Variants in NR1I2 observed in about 807,000 individuals in gnomAD.
NR1I2 encodes the protein nuclear receptor subfamily 1 group I member 2.
In NR1I2, 42 loss-of-function variants were observed where a neutral mutation model predicts 43.3. The ratio of observed to expected loss-of-function variants is 0.97; its 90% CI spans 0.76 to 1.26. The LOEUF is 1.26. Ranked by LOEUF, NR1I2 falls within the 50% of genes most tolerant of loss-of-function variation. The pLI, the probability that NR1I2 is intolerant of heterozygous loss-of-function variation, is 0.00. For synonymous variants in NR1I2, 229 were observed against 215.0 expected, an observed-to-expected ratio of 1.06 and a Z score of -0.57; for missense variants, 559 against 566.7, an observed-to-expected ratio of 0.99 and a Z score of 0.14.
intron 1 of NR1I2, among the ~76,000 whole-genome samples, chr3:119,804,826 T>C (rs1049934198): frequency 6.6e-6 from 1 of 152,174 alleles, no homozygotes; most frequent in South Asian, 2.1e-4. Flanking sequence ...AATTGCCTTC[T>C]TTTGAACTTT....
In NR1I2 at chr3:119,817,471, A is replaced by G; in HGVS notation, c.*259A>G. ...GTGCACTGACCTGTAGGTCAGGACC[A>G]TCAGAGAGGCAAGGTTGCCCTTTCC... On this transcript the variant is annotated 3_prime_UTR_variant, in exon 9 of 9. Transcript: ENST00000393716. 3 of 1,346,804 alleles carry G rather than the reference A, an allele frequency of 2.2e-6. No individual in the cohort carries two copies. Among genetic ancestry groups the G allele is most frequent in the East Asian group, 3.2e-5 (1 of 31,600 alleles). The allele number at this position is 1,346,804 out of a possible 1,614,324, so 83.4% of individuals were successfully genotyped here. A position where few individuals can be genotyped will look rare whatever the true frequency, so the allele number is the denominator to read the frequency against.
intron 2 of NR1I2, among the ~76,000 whole-genome samples, chr3:119,808,805 G>T (rs1326654386): frequency 6.6e-6 from 1 of 152,192 alleles, no homozygotes; most frequent in Non-Finnish European, 1.5e-5. Context: ...CAGGGTTTTA[G>T]AACTAAATTT....
chr3:119,792,231 G>T, intron 1 of NR1I2: 1 of 1,537,450 alleles, frequency 6.5e-7, no homozygotes, highest in Non-Finnish European at 8.9e-7. Flanking sequence ...TGATGCTGGA[G>T]AACTAATCAC....
intron 1 of NR1I2, among the ~76,000 whole-genome samples, chr3:119,803,090 T>C (rs1027984678): frequency 6.6e-6 from 1 of 151,726 alleles, no homozygotes; most frequent in African/African-American, 2.4e-5. Context: ...CCCAGCACTT[T>C]GGGAGTCTGA....
Position 119,810,186 on chromosome 3 carries a change from A to G in NR1I2, c.323A>G (p.Lys108Arg). ...CGCAAGTGCCTGGAGAGCGGCATGA[A>G]GAAGGAGAGTGAGCAGTGGGCGCGC... Residue 108 changes from lysine to arginine, a missense_variant, in exon 3 of 9, where the codon AAG (lysine) becomes AGG (arginine). By Grantham distance (26) the Lys-to-Arg change is conservative. Around this residue, in one of 3 missense-constraint regions of NR1I2, gnomAD observed 232 missense variants for 236.6 expected, o/e 0.98. Transcript: ENST00000393716. 3.7e-6 allele frequency: 6 copies of G among 1,607,478 alleles called. No homozygotes were observed. Among genetic ancestry groups the G allele is most frequent in the Non-Finnish European group, 3.4e-6 (4 of 1,177,228 alleles).
In NR1I2 at chr3:119,811,608, G is replaced by A. The variant is rs753350624; in HGVS notation, c.401G>A (p.Gly134Glu). The A allele has an allele frequency of 1.2e-6, 2 of 1,613,988 alleles. No homozygotes were observed. The highest frequency in any genetic ancestry group is 1.1e-5 in the South Asian group (1 of 91,036). Residue 134 changes from glycine (G) to glutamate (E), a missense_variant, in exon 4 of 9, where the codon GGG becomes GAG. By Grantham distance (98) the Gly-to-Glu change is moderately conservative. Transcript: ENST00000393716. ...AAGCGGAAGAAAAGTGAACGGACAGGGACTCAGCCACTGGGAGTGCAGGGG... is the reference window on the plus strand; with the variant it reads ...AAGCGGAAGAAAAGTGAACGGACAGAGACTCAGCCACTGGGAGTGCAGGGG...
In NR1I2 at chr3:119,795,623, GGTTCT is replaced by G. The variant is rs369961878; in HGVS notation, c.-22-11600_-22-11596del. On this transcript the variant is annotated intron_variant, in intron 1 of 8. Transcript: ENST00000393716. Reference sequence around the variant, plus strand: ...CGGTGCCTGGAAATAGTCAAGGCTGGGTTCTGTTCTTTTGCTTGAATTTCTTTCAC... The same window carrying G: ...CGGTGCCTGGAAATAGTCAAGGCTGGGTTCTTTTGCTTGAATTTCTTTCAC... Among the ~76,000 whole-genome samples the G allele has an allele frequency of 1.7e-4, 26 of 152,200 alleles. No individual in the cohort carries two copies. The East Asian group carries it at 3.3e-3, about 19-fold the overall frequency.
rs190858953 is a variant in NR1I2, at chr3:119,793,828, C to A, written c.-23+11528C>A. Among the ~76,000 whole-genome samples the A allele has an allele frequency of 8.5e-5, 13 of 152,112 alleles. No individual in the cohort carries two copies. In the South Asian group the frequency reaches 1.2e-3, roughly 15 times the overall value. ...CTTTATTCTATCTACCATAAGGACACGATCAAAAACATTATAGAGGCATGC... is the reference window on the plus strand; with the variant it reads ...CTTTATTCTATCTACCATAAGGACAAGATCAAAAACATTATAGAGGCATGC... On this transcript the variant is annotated intron_variant, in intron 1 of 8. Coordinates refer to ENST00000393716, the MANE Select transcript of NR1I2 (RefSeq NM_003889.4).
At chr3:119,797,351 G>A (rs2055015772) in intron 1 of NR1I2, among the ~76,000 whole-genome samples, 1 of 152,112 alleles carries the variant, frequency 6.6e-6, no homozygotes, top group African/African-American at 2.4e-5. Context: ...ATCTGTTTAT[G>A]GGAGAGCTCA....
chr3:119,786,223 A>G (rs113628719), intron 1 of NR1I2, among the ~76,000 whole-genome samples: 1 of 152,196 alleles, frequency 6.6e-6, no homozygotes, highest in Non-Finnish European at 1.5e-5. Flanking sequence ...TGTGGTTGCC[A>G]CGTTCTGTTT....
chr3:119,794,978 A>T (rs530878341), intron 1 of NR1I2, among the ~76,000 whole-genome samples: 2 of 152,264 alleles, frequency 1.3e-5, no homozygotes, highest in East Asian at 3.9e-4. Context: ...AAAATAAAAT[A>T]AAATAGGACT....
At chr3:119,798,651 A>AG (rs1553717561) in intron 1 of NR1I2, among the ~76,000 whole-genome samples, 1 of 151,250 alleles carries the variant, frequency 6.6e-6, no homozygotes, top group African/African-American at 2.4e-5. Context: ...AAAAAAAAAA[A>AG]AAAGAAAAAG....
intron 1 of NR1I2, among the ~76,000 whole-genome samples, chr3:119,799,140 C>T (rs1034356323): frequency 2.6e-5 from 4 of 152,158 alleles, no homozygotes; most frequent in African/African-American, 7.2e-5. Flanking sequence ...GTGGCTGCAC[C>T]ATTTTACACT....
At chr3:119,809,935 C>A in intron 2 of NR1I2, 126 bp from the exon 3 acceptor site, 1 of 1,252,268 alleles carries the variant, frequency 8.0e-7, no homozygotes, top group Non-Finnish European at 1.1e-6. Context: ...CCAGCTGGGA[C>A]GCAAAGGCTA....
At chr3:119,816,754 A>T (rs1054212668) in intron 8 of NR1I2, among the ~76,000 whole-genome samples, 2 of 151,554 alleles carry the variant, frequency 1.3e-5, no homozygotes, top group African/African-American at 4.9e-5. Flanking sequence ...CAGGAGTTTG[A>T]CACTGCAGTG....
chr3:119,782,632 C>A, intron 1 of NR1I2: 1 of 707,666 alleles, frequency 1.4e-6, no homozygotes, highest in Non-Finnish European at 2.5e-6. Context: ...AGTCCCTGGA[C>A]CCAGGAAATA....
At chr3:119,804,369 C>T (rs930264014) in intron 1 of NR1I2, among the ~76,000 whole-genome samples, 8 of 149,536 alleles carry the variant, frequency 5.3e-5, no homozygotes, top group Admixed American at 2.0e-4. Context: ...AGCGAGACTC[C>T]GTCTCAAAAA....
intron 6 of NR1I2, 71 bp downstream of exon 6, chr3:119,815,192 G>A (rs2055306349): frequency 2.5e-6 from 4 of 1,605,388 alleles, no homozygotes; most frequent in African/African-American, 2.7e-5. Context: ...AGGGAGCTAC[G>A]CCAGGATATG....
chr3:119,782,554 AGAAG>A (rs2054788296), intron 1 of NR1I2, among the ~76,000 whole-genome samples: 7 of 64,440 alleles, frequency 1.1e-4, no homozygotes, highest in Non-Finnish European at 2.3e-4. Flanking sequence ...TCACCACAGG[AGAAG>A]CCTTAACTAC....
Sources: gnomAD v4.1 joint callset for allele counts (sites outside exome capture counted in the v4.1 genomes callset) on GRCh38, gnomAD v4.1.1 for gene constraint, gnomAD v4.1.1 regional missense constraint, MANE v1.5 for transcripts, NCBI Gene and HGNC (gene_info 2026-07-23, HGNC 2026-07-21) for gene names.